The following PRKCH variants were observed in gnomAD, a reference collection of about 807,000 sequenced individuals.
PRKCH encodes protein kinase C eta, also known as protein kinase C eta type.
Under a neutral mutation model 82.5 loss-of-function variants are expected in PRKCH, and 28 were observed. The observed-to-expected ratio is 0.34, with a 90% CI of 0.25 to 0.47. PRKCH has a LOEUF of 0.47. Ranked by LOEUF, PRKCH falls within the 20% of genes least tolerant of loss-of-function variation. The pLI is 1.00. For missense variants in PRKCH, 705 were observed against 881.8 expected (o/e 0.80, Z 2.54); for synonymous variants, 322 against 327.4 (o/e 0.98, Z 0.18).
intron 1 of PRKCH, among the ~76,000 whole-genome samples, chr14:61,382,691 A>G (rs565218382): frequency 5.9e-5 from 9 of 152,314 alleles, no homozygotes; most frequent in African/African-American, 9.6e-5. Flanking sequence ...CAACTTCTCT[A>G]TTACAGAGGT....
At position 61,531,314 on chromosome 14, in the gene PRKCH, C is replaced by G. The variant is rs532383123; in HGVS notation, c.1761+719C>G. ...CTCCAAAATCATGTATTTTCACCTACTATATGCAGAGGGGTTGTAAAGGCA... is the reference window on the plus strand; with the variant it reads ...CTCCAAAATCATGTATTTTCACCTAGTATATGCAGAGGGGTTGTAAAGGCA... On this transcript the variant is annotated intron_variant, in intron 12 of 13. Transcript: ENST00000332981. 4.6e-5 allele frequency among the ~76,000 whole-genome samples: 7 copies of G among 152,276 alleles called. No individual in the cohort carries two copies. The East Asian group carries it at 1.3e-3, about 29-fold the overall frequency.
At chr14:61,265,379 G>A (rs977292024) in intron 1 of PRKCH, among the ~76,000 whole-genome samples, 3 of 152,182 alleles carry the variant, frequency 2.0e-5, no homozygotes, top group African/African-American at 7.2e-5. Context: ...TACTTGGGAG[G>A]CTGTGGTGGG....
chr14:61,370,956 C>T (rs1451503238), intron 1 of PRKCH, among the ~76,000 whole-genome samples: 2 of 151,972 alleles, frequency 1.3e-5, no homozygotes, highest in Non-Finnish European at 2.9e-5. Context: ...GATGACTTAA[C>T]GTTAACATGG....
At chr14:61,422,168 C>T (rs1029122099) in intron 2 of PRKCH, among the ~76,000 whole-genome samples, 4 of 152,160 alleles carry the variant, frequency 2.6e-5, no homozygotes, top group South Asian at 2.1e-4. Context: ...ACTGCAACCT[C>T]GAACTCCTGG....
intron 10 of PRKCH, among the ~76,000 whole-genome samples, chr14:61,491,833 G>A (rs959414201): frequency 7.2e-5 from 11 of 152,294 alleles, no homozygotes; most frequent in Admixed American, 2.6e-4. Context: ...AAAAATACTC[G>A]CCAGTGGAGG....
intron 1 of PRKCH, among the ~76,000 whole-genome samples, chr14:61,361,997 C>G (rs1265782972): frequency 1.3e-5 from 2 of 152,114 alleles, no homozygotes; most frequent in Non-Finnish European, 2.9e-5. Flanking sequence ...TAAAAAAGAT[C>G]TGTTTTAATA....
intron 1 of PRKCH, among the ~76,000 whole-genome samples, chr14:61,332,082 G>T (rs2045795978): frequency 6.6e-6 from 1 of 152,214 alleles, no homozygotes; most frequent in Admixed American, 6.5e-5. Context: ...GAGAGACTGA[G>T]AATCCCACTG....
chr14:61,283,037 A>T (rs1261007879), intron 1 of PRKCH, among the ~76,000 whole-genome samples: 4 of 146,324 alleles, frequency 2.7e-5, no homozygotes, highest in African/African-American at 1.0e-4. Context: ...ACTTTTGTAG[A>T]TTTTTTTTTT....
At chr14:61,288,845 T>C (rs187895874) in intron 1 of PRKCH, among the ~76,000 whole-genome samples, 2 of 152,354 alleles carry the variant, frequency 1.3e-5, no homozygotes, top group Admixed American at 1.3e-4. Context: ...GAACGGAAAC[T>C]TATTCAAATC....
chr14:61,516,175 C>A (rs1416261514), intron 10 of PRKCH, among the ~76,000 whole-genome samples: 1 of 152,062 alleles, frequency 6.6e-6, no homozygotes, highest in Non-Finnish European at 1.5e-5. Flanking sequence ...GGGAGGGAAG[C>A]AGATTGAGGG....
chr14:61,548,347 C>A (rs548878566), intron 13 of PRKCH, among the ~76,000 whole-genome samples: 13 of 152,318 alleles, frequency 8.5e-5, no homozygotes, highest in African/African-American at 2.9e-4. Flanking sequence ...GAGCCTGGGT[C>A]TGTAATAGCT....
intron 1 of PRKCH, among the ~76,000 whole-genome samples, chr14:61,189,283 CTGTT>C (rs1220332068): frequency 1.3e-5 from 2 of 152,244 alleles, no homozygotes; most frequent in African/African-American, 2.4e-5. Flanking sequence ...CACTAGGTCA[CTGTT>C]TGTTAAGAAA....
chr14:61,483,631 G>T (rs767131132), intron 9 of PRKCH, among the ~76,000 whole-genome samples: 1 of 152,130 alleles, frequency 6.6e-6, no homozygotes, highest in Non-Finnish European at 1.5e-5. Flanking sequence ...AGGGGTCTGC[G>T]TGGTTACACC....
chr14:61,292,044 C>T (rs1014008442), intron 1 of PRKCH, among the ~76,000 whole-genome samples: 4 of 152,070 alleles, frequency 2.6e-5, no homozygotes, highest in Admixed American at 6.6e-5. Flanking sequence ...CCAAGAGTCC[C>T]GGAACTCACA....
At chr14:61,339,480 C>T (rs1317917728) in intron 1 of PRKCH, among the ~76,000 whole-genome samples, 3 of 151,036 alleles carry the variant, frequency 2.0e-5, no homozygotes, top group East Asian at 2.0e-4. Flanking sequence ...CCCACCACCA[C>T]GCCCGGCTAA....
intron 1 of PRKCH, among the ~76,000 whole-genome samples, chr14:61,345,458 C>A (rs1010112008): frequency 1.3e-5 from 2 of 152,206 alleles, no homozygotes; most frequent in African/African-American, 2.4e-5. Flanking sequence ...ACAGCCACAG[C>A]AGTAATTTCA....
At chr14:61,478,877 A>C (rs1444250507) in intron 9 of PRKCH, among the ~76,000 whole-genome samples, 1 of 152,112 alleles carries the variant, frequency 6.6e-6, no homozygotes, top group Admixed American at 6.6e-5. Flanking sequence ...AAAAACAAAA[A>C]TTGTGTGTAT....
At chr14:61,278,696 G>T (rs2045225872) in intron 1 of PRKCH, 1 of 152,048 alleles carries the variant, frequency 6.6e-6, no homozygotes, top group African/African-American at 2.4e-5. Context: ...AAGTTATTTT[G>T]CTATACAAGG....
At chr14:61,296,744 C>G (rs1348709161) in intron 1 of PRKCH, among the ~76,000 whole-genome samples, 1 of 152,068 alleles carries the variant, frequency 6.6e-6, no homozygotes, top group East Asian at 1.9e-4. Flanking sequence ...TTATTTCATC[C>G]AAGGTATTTC....
Sources: gnomAD v4.1 joint callset for allele counts (sites outside exome capture counted in the v4.1 genomes callset) on GRCh38, gnomAD v4.1.1 for gene constraint, MANE v1.5 for transcripts, NCBI Gene and HGNC (gene_info 2026-07-23, HGNC 2026-07-21) for gene names.